Variants in SUMF1 observed in about 807,000 individuals in gnomAD.
The protein encoded by SUMF1 is formylglycine-generating enzyme.
A neutral mutation model predicts 47.6 loss-of-function variants in SUMF1; 48 were observed. The observed-to-expected ratio is 1.01, with a 90% CI of 0.80 to 1.28. The LOEUF (loss-of-function observed/expected upper bound fraction) is 1.28, where lower values mean the gene tolerates loss of function less well. Among genes scored for constraint, SUMF1 ranks in the 50% most tolerant of loss-of-function variants. The pLI, the probability that SUMF1 is intolerant of heterozygous loss-of-function variation, is 0.00. For missense variants in SUMF1, 571 were observed against 485.4 expected, an observed-to-expected ratio of 1.18 and a Z score of -1.66; for synonymous variants, 230 against 192.1, an observed-to-expected ratio of 1.20 and a Z score of -1.63.
chr3:4,423,032 T>C (rs112492513), intron 3 of SUMF1, among the ~76,000 whole-genome samples: 2,694 of 152,212 alleles, frequency 0.018, 27 homozygotes, highest in African/African-American at 0.024. Context: ...GAACATATGT[T>C]GTTTGGTTTT....
intron 1 of SUMF1, among the ~76,000 whole-genome samples, chr3:4,454,857 T>C (rs1330696382): frequency 6.6e-6 from 1 of 152,178 alleles, no homozygotes; most frequent in East Asian, 1.9e-4. Context: ...TCATATGAAA[T>C]GTCCAGAATA....
rs114543544 is a variant in SUMF1, at chr3:4,389,557, T to C, written c.955-13168A>G. ...TTTGTGAAGGACTCTTCTCATGCTGTCTTCTTTGTTTTCTCCTCTGGGATT... is the reference window on the plus strand; with the variant it reads ...TTTGTGAAGGACTCTTCTCATGCTGCCTTCTTTGTTTTCTCCTCTGGGATT... On this transcript the variant is annotated intron_variant, in intron 7 of 8. Coordinates refer to ENST00000272902, the MANE Select transcript of SUMF1 (RefSeq NM_182760.4). 1.6e-3 allele frequency among the ~76,000 whole-genome samples: 239 copies of C among 152,332 alleles called. 1 individual carries two copies. Among genetic ancestry groups the C allele is most frequent in the African/African-American group, 5.7e-3 (235 of 41,574 alleles).
intron 9 of SUMF1, among the ~76,000 whole-genome samples, chr3:4,036,826 C>A (rs1574837855): frequency 1.7e-5 from 2 of 118,950 alleles, no homozygotes; most frequent in Non-Finnish European, 1.6e-5. Flanking sequence ...CCAGGCAAAG[C>A]AGATCTGCTG....
intron 6 of SUMF1, 103 bp from the exon 7 acceptor site, chr3:4,411,081 G>A (rs1156662970): frequency 1.1e-5 from 11 of 979,704 alleles, no homozygotes; most frequent in Non-Finnish European, 1.6e-5. Flanking sequence ...GAGTATGAAT[G>A]TTGGGTTTTA....
At chr3:4,050,570 C>T (rs192910768) in intron 9 of SUMF1, among the ~76,000 whole-genome samples, 3 of 151,216 alleles carry the variant, frequency 2.0e-5, no homozygotes, top group Admixed American at 6.6e-5. Context: ...AGCAAGACCC[C>T]GTCTCCACTA....
At chr3:4,350,943 A>G (rs1325490697) in intron 8 of SUMF1, among the ~76,000 whole-genome samples, 3 of 147,612 alleles carry the variant, frequency 2.0e-5, no homozygotes, top group African/African-American at 7.8e-5. Flanking sequence ...CAACAAAAAA[A>G]GAAAAAAAAA....
At chr3:4,426,449 T>G (rs929092520) in intron 3 of SUMF1, among the ~76,000 whole-genome samples, 1 of 152,220 alleles carries the variant, frequency 6.6e-6, no homozygotes. Flanking sequence ...CCATCCAAAC[T>G]CACTAGACGT....
intron 8 of SUMF1, among the ~76,000 whole-genome samples, chr3:4,294,111 C>T (rs1697792948): frequency 6.6e-6 from 1 of 152,142 alleles, no homozygotes; most frequent in Non-Finnish European, 1.5e-5. Flanking sequence ...ATACTGCCTA[C>T]TTCGTGGAAT....
chr3:4,403,405 T>TG (rs1490395286), intron 7 of SUMF1, among the ~76,000 whole-genome samples: 4 of 152,134 alleles, frequency 2.6e-5, no homozygotes, highest in African/African-American at 9.7e-5. Context: ...TGTATAATTC[T>TG]GGGTGTCCAT....
intron 8 of SUMF1, among the ~76,000 whole-genome samples, chr3:4,229,593 C>T (rs1303387968): frequency 6.6e-6 from 1 of 152,140 alleles, no homozygotes; most frequent in Non-Finnish European, 1.5e-5. Context: ...GCCTGACACA[C>T]AGTAAACATT....
chr3:4,214,662 G>A (rs1695877345), intron 8 of SUMF1, among the ~76,000 whole-genome samples: 1 of 151,946 alleles, frequency 6.6e-6, no homozygotes, highest in Non-Finnish European at 1.5e-5. Context: ...CCACTAGCAA[G>A]ACTAATAGAG....
chr3:4,073,035 C>T (rs555072042), intron 8 of SUMF1, among the ~76,000 whole-genome samples: 28 of 152,110 alleles, frequency 1.8e-4, no homozygotes, highest in African/African-American at 4.8e-4. Flanking sequence ...CAAAACCATC[C>T]GACTCACCAA....
At chr3:4,438,972 G>A (rs941801534) in intron 3 of SUMF1, among the ~76,000 whole-genome samples, 2 of 152,162 alleles carry the variant, frequency 1.3e-5, no homozygotes, top group Non-Finnish European at 2.9e-5. Context: ...GCCTCATTGA[G>A]TTAGATCTCA....
chr3:4,197,597 A>G (rs1244582493), intron 8 of SUMF1, among the ~76,000 whole-genome samples: 2 of 152,168 alleles, frequency 1.3e-5, no homozygotes, highest in African/African-American at 4.8e-5. Context: ...GATTAAGGTA[A>G]TAGAATACAG....
chr3:4,078,352 ATCATC>A (rs1379972824), intron 8 of SUMF1, among the ~76,000 whole-genome samples: 3 of 152,104 alleles, frequency 2.0e-5, no homozygotes, highest in Non-Finnish European at 4.4e-5. Flanking sequence ...CTGTGAACGT[ATCATC>A]CCAGTTCCAA....
At chr3:4,165,862 T>TTTCCCC (rs61488909) in intron 8 of SUMF1, among the ~76,000 whole-genome samples, 1 of 139,222 alleles carries the variant, frequency 7.2e-6, no homozygotes, top group African/African-American at 2.7e-5. Context: ...TTTGTTTGTT[T>TTTCCCC]CCCCCCCCCC....
chr3:4,265,242 C>G (rs1283894787), intron 8 of SUMF1, among the ~76,000 whole-genome samples: 1 of 150,728 alleles, frequency 6.6e-6, no homozygotes, highest in Non-Finnish European at 1.5e-5. Flanking sequence ...TGCTACTATT[C>G]TATTTCTGCT....
At chr3:4,204,611 C>T (rs144586258) in intron 8 of SUMF1, among the ~76,000 whole-genome samples, 32 of 152,218 alleles carry the variant, frequency 2.1e-4, no homozygotes, top group African/African-American at 7.7e-4. Flanking sequence ...GCCAGTAACT[C>T]TTAGATTTGC....
intron 8 of SUMF1, among the ~76,000 whole-genome samples, chr3:4,347,855 G>A (rs890297352): frequency 1.3e-5 from 2 of 152,114 alleles, no homozygotes; most frequent in Non-Finnish European, 2.9e-5. Flanking sequence ...AAAAGTCAAC[G>A]TGCAAAAATC....
Sources: allele counts gnomAD v4.1 joint callset (sites outside exome capture counted in the v4.1 genomes callset), GRCh38; gene constraint gnomAD v4.1.1; transcripts MANE v1.5; gene names NCBI Gene and HGNC (gene_info 2026-07-23, HGNC 2026-07-21).